MYOC: variants seen among roughly 807,000 people sequenced by gnomAD.
MYOC encodes the protein juvenile-onset open-angle glaucoma 1.
Under a neutral mutation model 28.2 loss-of-function variants are expected in MYOC, and 29 were observed. That is an observed-to-expected ratio of 1.03 (90% CI 0.77 to 1.40). MYOC has a LOEUF of 1.40. Among genes scored for constraint, MYOC ranks in the 40% most tolerant of loss-of-function variants. MYOC has a pLI of 0.00. For synonymous variants in MYOC, 240 were observed against 245.6 expected, an observed-to-expected ratio of 0.98 and a Z score of 0.21; for missense variants, 569 against 620.6, an observed-to-expected ratio of 0.92 and a Z score of 0.88.
At chr1:171,648,308 A>G (rs1653252523) in intron 1 of MYOC, among the ~76,000 whole-genome samples, 1 of 152,122 alleles carries the variant, frequency 6.6e-6, no homozygotes, top group African/African-American at 2.4e-5. Flanking sequence ...TCCATGCGTA[A>G]ACCTCCCCTC....
intron 2 of MYOC, among the ~76,000 whole-genome samples, chr1:171,637,328 G>T (rs1482058434): frequency 6.6e-6 from 1 of 152,144 alleles, no homozygotes; most frequent in African/African-American, 2.4e-5. Flanking sequence ...AAGCCCTGAT[G>T]AGTCACATAT....
chr1:171,636,491 T>A lies in MYOC; in HGVS notation c.949A>T (p.Ile317Leu). The A allele has an allele frequency of 6.2e-7, 1 of 1,613,430 alleles. No homozygotes were observed. The highest frequency in any genetic ancestry group is 8.5e-7 in the Non-Finnish European group (1 of 1,179,722). Residue 317 changes from isoleucine (I) to leucine (L), a missense_variant, in exon 3 of 3, where the codon ATA (isoleucine) becomes TTA (leucine). Ile to Leu is a conservative substitution (Grantham distance 5). Coordinates refer to ENST00000037502, the MANE Select transcript of MYOC (RefSeq NM_000261.2). ...GTGCTTTCCAGTGGCCTAGGCAGTATGTGAACCTTAGAAGGGTAGCCCTGC... is the reference window on the plus strand; with the variant it reads ...GTGCTTTCCAGTGGCCTAGGCAGTAAGTGAACCTTAGAAGGGTAGCCCTGC... The part of the protein sequence containing the change: ...FMQGYPSKVH[I>L]LPRPLESTGA...
chr1:171,638,209 G>T (rs1652973595), intron 2 of MYOC, among the ~76,000 whole-genome samples: 1 of 152,194 alleles, frequency 6.6e-6, no homozygotes, highest in South Asian at 2.1e-4. Flanking sequence ...CTGAGATGGT[G>T]CTTGGTGTAT....
At position 171,635,907 on chromosome 1, in the gene MYOC, G is replaced by C. The variant is rs767801045; in HGVS notation, c.*18C>G. On this transcript the variant is annotated 3_prime_UTR_variant, in exon 3 of 3. Coordinates refer to ENST00000037502, the MANE Select transcript of MYOC (RefSeq NM_000261.2). ...TGAGCATCTCCTTCTGCCATTGCCT[G>C]TACAGCTTGGAGGCTTTTCACATCT... The C allele has an allele frequency of 3.2e-5, 51 of 1,613,582 alleles. No homozygotes were observed. Among genetic ancestry groups the C allele is most frequent in the Middle Eastern group, 1.7e-4 (1 of 6,060 alleles).
chr1:171,638,687 C>T lies in MYOC; in HGVS notation c.640G>A (p.Glu214Lys), dbSNP rs772953674. 4.1e-5 allele frequency: 66 copies of T among 1,614,004 alleles called. No homozygotes were observed. The highest frequency in any genetic ancestry group is 5.3e-5 in the Non-Finnish European group (63 of 1,180,012). ...ACTTCAGTTAGCTCGGACTTCAGTT[C>T]CTGGAAGGCCAAAGTGTCCAAATTC... Reference protein sequence around the residue: ...TWNLDTLAFQELKSELTEVPA... With the variant: ...TWNLDTLAFQKLKSELTEVPA... The change falls in exon 2 of 3, where the codon GAA becomes AAA. Residue 214 changes from glutamate to lysine, a missense_variant. Transcript: ENST00000037502.
At chr1:171,642,923 C>A (rs1020470525) in intron 1 of MYOC, among the ~76,000 whole-genome samples, 5 of 150,492 alleles carry the variant, frequency 3.3e-5, no homozygotes, top group Non-Finnish European at 7.4e-5. Flanking sequence ...TCAGTCCATG[C>A]CCTTAAGGAA....
rs555328498 is a variant in MYOC at position 171,636,150 on chromosome 1, G to A, written c.1290C>T (p.Phe430=). ...NIRKQSVANA[F]IICGTLYTVS... ...CGGTGTACAAGGTGCCACAGATGAT[G>A]AAGGCATTGGCGACTGACTGCTTAC... is the stretch of plus-strand genomic sequence containing the variant. Residue 430 remains phenylalanine, a synonymous_variant, in exon 3 of 3, where the codon TTC becomes TTT. Transcript: ENST00000037502. The A allele has an allele frequency of 2.8e-5, 45 of 1,614,186 alleles. No homozygotes were observed. The South Asian group carries it at 4.8e-4, about 17-fold the overall frequency.
chr1:171,649,651 C>T (rs187652972), intron 1 of MYOC, among the ~76,000 whole-genome samples: 67 of 152,196 alleles, frequency 4.4e-4, no homozygotes, highest in African/African-American at 1.3e-3. Context: ...CAAAATTAGC[C>T]GGGCATGGTG....
intron 1 of MYOC, among the ~76,000 whole-genome samples, chr1:171,648,513 G>A (rs1448827850): frequency 1.3e-5 from 2 of 151,886 alleles, no homozygotes; most frequent in Non-Finnish European, 2.9e-5. Flanking sequence ...CCTCTTCCAG[G>A]CTCTGTTCAA....
At chr1:171,641,317 G>A (rs1293343302) in intron 1 of MYOC, among the ~76,000 whole-genome samples, 2 of 152,164 alleles carry the variant, frequency 1.3e-5, no homozygotes, top group African/African-American at 2.4e-5. Flanking sequence ...CTCCAGAAGA[G>A]GGCACCAGGG....
Position 171,636,411 on chromosome 1 carries a change from A to G in MYOC, c.1029T>C (p.Thr343=). The part of the protein sequence containing the change: ...SLYFQGAESR[T]VIRYELNTET... ...CGGTATTCAGCTCATATCTTATGACAGTTCTGGACTCAGCGCCCTGGAAAT... is the reference window on the plus strand; with the variant it reads ...CGGTATTCAGCTCATATCTTATGACGGTTCTGGACTCAGCGCCCTGGAAAT... The change falls in exon 3 of 3, where the codon ACT becomes ACC. Residue 343 remains threonine (T), a synonymous_variant. Transcript: ENST00000037502. 6.2e-7 allele frequency: 1 copy of G among 1,614,128 alleles called. No homozygotes were observed. The highest frequency in any genetic ancestry group is 8.5e-7 in the Non-Finnish European group (1 of 1,180,014).
chr1:171,643,063 C>A (rs235873), intron 1 of MYOC, among the ~76,000 whole-genome samples: 1 of 151,818 alleles, frequency 6.6e-6, no homozygotes, highest in African/African-American at 2.4e-5. Context: ...TCATTCCCTG[C>A]GTCTCCTTCT....
chr1:171,638,470 C>T (rs1467573043), intron 2 of MYOC, 127 bp downstream of exon 2: 2 of 1,062,448 alleles, frequency 1.9e-6, no homozygotes, highest in Non-Finnish European at 2.8e-6. Context: ...TCCTCCCCTC[C>T]CTCTGCTCCC....
intron 1 of MYOC, among the ~76,000 whole-genome samples, 153 bp downstream of exon 1, chr1:171,651,855 G>T (rs1558090257): frequency 6.6e-6 from 1 of 152,154 alleles, no homozygotes; most frequent in Non-Finnish European, 1.5e-5. Context: ...ATACTTGAAG[G>T]TGATCGCTGT....
intron 1 of MYOC, among the ~76,000 whole-genome samples, chr1:171,641,324 A>G (rs1653073292): frequency 6.6e-6 from 1 of 152,206 alleles, no homozygotes; most frequent in Admixed American, 6.5e-5. Context: ...AGAGGGCACC[A>G]GGGGAAAATG....
At chr1:171,650,884 G>A (rs920092886) in intron 1 of MYOC, among the ~76,000 whole-genome samples, 4 of 151,912 alleles carry the variant, frequency 2.6e-5, no homozygotes, top group African/African-American at 9.7e-5. Flanking sequence ...ACATCCTGAC[G>A]CCTCACCCTG....
At chr1:171,647,944 T>C (rs773669951) in intron 1 of MYOC, among the ~76,000 whole-genome samples, 8 of 150,168 alleles carry the variant, frequency 5.3e-5, no homozygotes, top group Non-Finnish European at 1.0e-4. Context: ...CTTTGGGAGG[T>C]CAAGATGGGT....
chr1:171,638,429 C>CAG (rs144871239), intron 2 of MYOC, among the ~76,000 whole-genome samples, 168 bp downstream of exon 2: 14 of 150,926 alleles, frequency 9.3e-5, no homozygotes, highest in South Asian at 2.1e-4. Flanking sequence ...GACAAGGGAA[C>CAG]AGAGAGAGAG....
In MYOC at chr1:171,652,260, G is replaced by A. The variant is rs777853471; in HGVS notation, c.352C>T (p.Gln118Ter). The A allele has an allele frequency of 6.2e-7, 1 of 1,614,084 alleles. No homozygotes were observed. The highest frequency in any genetic ancestry group is 1.7e-5 in the Admixed American group (1 of 60,016). Residue 118 changes from glutamine to a stop codon, truncating the protein, a stop_gained, in exon 1 of 3, where the codon CAG becomes TAG. Transcript: ENST00000037502. LOFTEE classifies it high-confidence loss of function. ...CGCCTCAGGGTGCCCAGCTCCCTCT[G>A]CAGCCCCTCCTGGGTCTCCTGGGGC... ...ARPQETQEGL[Q>*]RELGTLRRER...
Sources: gnomAD v4.1 joint callset for allele counts (sites outside exome capture counted in the v4.1 genomes callset) on GRCh38, gnomAD v4.1.1 for gene constraint, MANE v1.5 for transcripts, NCBI Gene and HGNC (gene_info 2026-07-23, HGNC 2026-07-21) for gene names.